Variants in L3MBTL4 observed in about 807,000 individuals in gnomAD.
L3MBTL4 encodes the protein L3MBTL histone methyl-lysine binding protein 4, also known as lethal(3)malignant brain tumor-like protein 4.
Under a neutral mutation model 84.5 loss-of-function variants are expected in L3MBTL4, and 70 were observed. The ratio of observed to expected loss-of-function variants is 0.83; its 90% CI spans 0.68 to 1.01. The LOEUF (loss-of-function observed/expected upper bound fraction) is 1.01. Ranked by LOEUF, L3MBTL4 falls within the 50% of genes least tolerant of loss-of-function variation. The probability of loss-of-function intolerance (pLI) is 0.00; values close to 1 mark genes in which losing one functional copy is unlikely to be tolerated. For synonymous variants in L3MBTL4, 274 were observed against 259.8 expected (o/e 1.05, Z -0.52); for missense variants, 715 against 754.8 (o/e 0.95, Z 0.62).
At chr18:6,143,076 A>G (rs983364466) in intron 13 of L3MBTL4, among the ~76,000 whole-genome samples, 1 of 152,196 alleles carries the variant, frequency 6.6e-6, no homozygotes, top group Non-Finnish European at 1.5e-5. Flanking sequence ...AAAACAAAAA[A>G]TACTCTCCAT....
rs2058689292 is a variant in L3MBTL4, at chr18:6,097,793, C to A, written c.1200-4265G>T. Among the ~76,000 whole-genome samples, 3 of 152,206 alleles carry A rather than the reference C, an allele frequency of 2.0e-5. No individual in the cohort carries two copies. In the South Asian group the frequency reaches 6.2e-4, roughly 32 times the overall value. On this transcript the variant is annotated intron_variant, in intron 14 of 18. Coordinates refer to ENST00000317931, the MANE Select transcript of L3MBTL4 (RefSeq NM_001330559.2). ...TGTCTTGCCCTCTGCTTTGACTAGA[C>A]TCAGGTGCCTTCCTGGTATGGACAC...
At chr18:5,984,875 A>T (rs979972470) in intron 16 of L3MBTL4, among the ~76,000 whole-genome samples, 26 of 152,072 alleles carry the variant, frequency 1.7e-4, no homozygotes, top group African/African-American at 6.3e-4. Flanking sequence ...GGTATAGATT[A>T]TTGGTCAAAA....
At chr18:6,295,092 T>G (rs2050031886) in intron 4 of L3MBTL4, among the ~76,000 whole-genome samples, 1 of 151,954 alleles carries the variant, frequency 6.6e-6, no homozygotes, top group Admixed American at 6.6e-5. Context: ...GACAACACAG[T>G]GAAACCCCAT....
At chr18:6,262,297 C>T (rs1271751556) in intron 5 of L3MBTL4, among the ~76,000 whole-genome samples, 1 of 152,178 alleles carries the variant, frequency 6.6e-6, no homozygotes, top group Non-Finnish European at 1.5e-5. Context: ...AGCCAACCAC[C>T]TTCAAAGATC....
intron 16 of L3MBTL4, among the ~76,000 whole-genome samples, chr18:6,054,575 C>T (rs1178781750): frequency 6.6e-6 from 1 of 152,178 alleles, no homozygotes; most frequent in Non-Finnish European, 1.5e-5. Context: ...TCCCCTCATC[C>T]TTTGGATCTG....
intron 1 of L3MBTL4, among the ~76,000 whole-genome samples, chr18:6,316,866 T>A (rs1179002286): frequency 6.6e-6 from 1 of 152,036 alleles, no homozygotes; most frequent in Non-Finnish European, 1.5e-5. Context: ...CTGTCAGGGC[T>A]GGGACATCTG....
At chr18:6,226,222 C>T (rs952797480) in intron 10 of L3MBTL4, among the ~76,000 whole-genome samples, 4 of 152,102 alleles carry the variant, frequency 2.6e-5, no homozygotes, top group African/African-American at 9.7e-5. Flanking sequence ...GCCTGGCCAA[C>T]ATGGCGAAAC....
chr18:6,120,968 T>C (rs140404044), intron 14 of L3MBTL4, among the ~76,000 whole-genome samples: 2 of 152,312 alleles, frequency 1.3e-5, no homozygotes, highest in African/African-American at 4.8e-5. Flanking sequence ...ACGTACTTCT[T>C]GGACATATGA....
chr18:6,090,680 T>A (rs1443279082), intron 15 of L3MBTL4, among the ~76,000 whole-genome samples: 1 of 150,884 alleles, frequency 6.6e-6, no homozygotes, highest in South Asian at 2.1e-4. Flanking sequence ...TAAGCTAGAA[T>A]GCAATGGTGT....
chr18:6,141,276 C>A (rs902721563), intron 13 of L3MBTL4, among the ~76,000 whole-genome samples: 3 of 152,066 alleles, frequency 2.0e-5, no homozygotes, highest in Non-Finnish European at 4.4e-5. Flanking sequence ...CCTTTGCCAG[C>A]ATTTCCTCCT....
At chr18:6,136,881 A>G (rs113595885) in intron 14 of L3MBTL4, among the ~76,000 whole-genome samples, 2,574 of 152,278 alleles carry the variant, frequency 0.017, 80 homozygotes, top group African/African-American at 0.058. Context: ...AGTAACGAGG[A>G]CAGAAGAAAT....
chr18:6,395,460 C>G (rs1026203242), intron 1 of L3MBTL4: 1 of 152,036 alleles, frequency 6.6e-6, no homozygotes, highest in Non-Finnish European at 1.5e-5. Flanking sequence ...AGGGGGGGAA[C>G]AAGAGGAAGG....
At chr18:5,963,933 C>T (rs1425696004) in intron 17 of L3MBTL4, among the ~76,000 whole-genome samples, 1 of 152,258 alleles carries the variant, frequency 6.6e-6, no homozygotes, top group Non-Finnish European at 1.5e-5. Flanking sequence ...TGCCCTGCAC[C>T]CACAGAAGCC....
chr18:6,201,743 T>G (rs1568306677), intron 12 of L3MBTL4, among the ~76,000 whole-genome samples: 1 of 152,204 alleles, frequency 6.6e-6, no homozygotes, highest in East Asian at 1.9e-4. Flanking sequence ...CAACCTGACT[T>G]AATCATTACA....
intron 16 of L3MBTL4, among the ~76,000 whole-genome samples, chr18:6,036,593 C>T (rs866454459): frequency 6.6e-6 from 1 of 152,158 alleles, no homozygotes; most frequent in African/African-American, 2.4e-5. Context: ...GTGGAAATCT[C>T]ATCAGGCTCT....
At chr18:6,312,609 T>C (rs1177815442) in intron 1 of L3MBTL4, among the ~76,000 whole-genome samples, 2 of 152,186 alleles carry the variant, frequency 1.3e-5, no homozygotes, top group African/African-American at 4.8e-5. Flanking sequence ...CACCTGCCAC[T>C]GGCCTGCATC....
At chr18:6,153,592 T>A (rs564805082) in intron 13 of L3MBTL4, among the ~76,000 whole-genome samples, 1 of 152,196 alleles carries the variant, frequency 6.6e-6, no homozygotes, top group African/African-American at 2.4e-5. Context: ...AAGAGTTTCT[T>A]TGTAGACTCT....
At chr18:6,196,725 T>C (rs1490740775) in intron 12 of L3MBTL4, among the ~76,000 whole-genome samples, 2 of 152,194 alleles carry the variant, frequency 1.3e-5, no homozygotes, top group African/African-American at 4.8e-5. Context: ...GCCTGAATAT[T>C]CTGAACATCT....
At chr18:6,090,442 G>T (rs1269671487) in intron 15 of L3MBTL4, among the ~76,000 whole-genome samples, 1 of 151,876 alleles carries the variant, frequency 6.6e-6, no homozygotes, top group East Asian at 1.9e-4. Flanking sequence ...TCAAAAAATT[G>T]GGTTGCAGTT....
Sources: allele counts gnomAD v4.1 joint callset (sites outside exome capture counted in the v4.1 genomes callset), GRCh38; gene constraint gnomAD v4.1.1; transcripts MANE v1.5; gene names NCBI Gene and HGNC (gene_info 2026-07-23, HGNC 2026-07-21).